The following ENTREP2 variants were observed in gnomAD, a reference collection of about 807,000 sequenced individuals.
ENTREP2 encodes endosomal transmembrane epsin interactor 2.
chr15:29,169,685 T>A, the ENTREP2 span, among the ~76,000 whole-genome samples: 1 of 152,326 alleles, frequency 6.6e-6, no homozygotes. Flanking sequence ...AGAAAAACTA[T>A]ATGACAATCT....
At chr15:29,653,165 A>T in the ENTREP2 span, among the ~76,000 whole-genome samples, 1 of 152,128 alleles carries the variant, frequency 6.6e-6, no homozygotes, top group Non-Finnish European at 1.5e-5. Context: ...ACAAAACAAA[A>T]AACTCCAGAT....
the ENTREP2 span, among the ~76,000 whole-genome samples, chr15:29,315,923 T>C: frequency 6.7e-6 from 1 of 148,718 alleles, no homozygotes; most frequent in African/African-American, 2.5e-5. Context: ...ACATGCAGTA[T>C]GTGTACAGCA....
chr15:29,404,574 A>G, the ENTREP2 span, among the ~76,000 whole-genome samples: 113,000 of 150,504 alleles, frequency 0.75, 43,195 homozygotes, highest in African/African-American at 0.91. Context: ...CCCCACTCAC[A>G]CTCCCCAGCT....
the ENTREP2 span, among the ~76,000 whole-genome samples, chr15:29,485,984 T>C: frequency 1.1e-3 from 165 of 152,272 alleles, no homozygotes; most frequent in Admixed American, 1.8e-3. Flanking sequence ...AGAACTACCA[T>C]ATGATCCAGC....
chr15:29,238,403 T>A, the ENTREP2 span, among the ~76,000 whole-genome samples: 11 of 151,926 alleles, frequency 7.2e-5, no homozygotes, highest in South Asian at 2.1e-3. Context: ...GAGGCCGAGG[T>A]GGGCAGATCA....
the ENTREP2 span, among the ~76,000 whole-genome samples, chr15:29,169,989 A>G: frequency 6.6e-6 from 1 of 152,168 alleles, no homozygotes; most frequent in Non-Finnish European, 1.5e-5. Context: ...TAAATATAAT[A>G]GTTGTGCAAT....
the ENTREP2 span, among the ~76,000 whole-genome samples, chr15:29,674,640 A>G: frequency 6.6e-6 from 1 of 151,892 alleles, no homozygotes; most frequent in African/African-American, 2.4e-5. Flanking sequence ...GGGATTAAGA[A>G]TATCGAGGGA....
the ENTREP2 span, among the ~76,000 whole-genome samples, chr15:29,473,456 C>G: frequency 6.6e-6 from 1 of 152,102 alleles, no homozygotes; most frequent in East Asian, 1.9e-4. Flanking sequence ...CTGGATCTTC[C>G]AATTCTGCAA....
At chr15:29,142,409 A>G in the ENTREP2 span, among the ~76,000 whole-genome samples, 6 of 152,244 alleles carry the variant, frequency 3.9e-5, no homozygotes, top group Non-Finnish European at 8.8e-5. Context: ...GGTCTGATAG[A>G]TAAGTAGCAC....
At chr15:29,419,911 A>C in the ENTREP2 span, among the ~76,000 whole-genome samples, 1 of 152,190 alleles carries the variant, frequency 6.6e-6, no homozygotes, top group Non-Finnish European at 1.5e-5. Context: ...AACTTACACT[A>C]AAGAAAAGAA....
the ENTREP2 span, chr15:29,269,266 G>T: frequency 6.2e-7 from 1 of 1,614,128 alleles, no homozygotes; most frequent in Admixed American, 1.7e-5. Flanking sequence ...GTTGCTCTTG[G>T]GTTCAAGTTC....
At chr15:29,349,803 C>T in the ENTREP2 span, among the ~76,000 whole-genome samples, 1 of 152,084 alleles carries the variant, frequency 6.6e-6, no homozygotes, top group Non-Finnish European at 1.5e-5. Flanking sequence ...GAGGCTGAGG[C>T]AGGAGAATTG....
chr15:29,129,086 C>G, the ENTREP2 span, among the ~76,000 whole-genome samples: 4 of 152,128 alleles, frequency 2.6e-5, no homozygotes, highest in African/African-American at 9.7e-5. Flanking sequence ...TTTTTTGAGA[C>G]GGAGTCTTGC....
chr15:29,635,260 T>G, the ENTREP2 span, among the ~76,000 whole-genome samples: 124 of 152,228 alleles, frequency 8.1e-4, no homozygotes, highest in African/African-American at 2.9e-3. Flanking sequence ...CCTGCCTAGG[T>G]GTTGCTCGTA....
chr15:29,548,314 A>C, the ENTREP2 span, among the ~76,000 whole-genome samples: 1 of 151,984 alleles, frequency 6.6e-6, no homozygotes, highest in East Asian at 1.9e-4. Flanking sequence ...AAAATTAGCC[A>C]GGCATTGTGG....
At chr15:29,416,693 C>G in the ENTREP2 span, among the ~76,000 whole-genome samples, 1 of 152,144 alleles carries the variant, frequency 6.6e-6, no homozygotes, top group South Asian at 2.1e-4. Flanking sequence ...AAGAAACTAC[C>G]ATCAGAGTGA....
At chr15:29,304,599 G>C in the ENTREP2 span, among the ~76,000 whole-genome samples, 1 of 152,116 alleles carries the variant, frequency 6.6e-6, no homozygotes, top group African/African-American at 2.4e-5. Context: ...TCACCAACCA[G>C]AGTGGGCCTT....
chr15:29,374,276 T>C, the ENTREP2 span: 3 of 152,182 alleles, frequency 2.0e-5, no homozygotes, highest in Admixed American at 1.3e-4. Context: ...TCCTTTTTCC[T>C]GTTTTCTGCC....
the ENTREP2 span, among the ~76,000 whole-genome samples, chr15:29,656,556 T>C: frequency 1.3e-5 from 2 of 152,176 alleles, no homozygotes; most frequent in East Asian, 1.9e-4. Flanking sequence ...AGAATTCTGA[T>C]AGCAGACAGA....
Sources: allele counts gnomAD v4.1 joint callset (sites outside exome capture counted in the v4.1 genomes callset), GRCh38; gene constraint gnomAD v4.1.1; transcripts MANE v1.5; gene names NCBI Gene and HGNC (gene_info 2026-07-23, HGNC 2026-07-21).